DOCK4: variants seen among roughly 807,000 people sequenced by gnomAD.
DOCK4 encodes the protein dedicator of cytokinesis protein 4.
In DOCK4, 97 loss-of-function variants were observed where a neutral mutation model predicts 268.1. The observed-to-expected ratio is 0.36, with a 90% confidence interval of 0.31 to 0.43. The LOEUF (loss-of-function observed/expected upper bound fraction) is 0.43, where lower values mean the gene tolerates loss of function less well. DOCK4 is among the 20% of genes least tolerant of loss of function. The probability of loss-of-function intolerance (pLI) is 1.00; values close to 1 mark genes in which losing one functional copy is unlikely to be tolerated. For missense variants in DOCK4, 2,145 were observed against 2,455.7 expected (o/e 0.87, Z 2.67); for synonymous variants, 954 against 887.2 (o/e 1.08, Z -1.34).
At chr7:111,795,428 G>A (rs1799826995) in intron 30 of DOCK4, among the ~76,000 whole-genome samples, 1 of 152,192 alleles carries the variant, frequency 6.6e-6, no homozygotes, top group Non-Finnish European at 1.5e-5. Context: ...TTGAAAAGAA[G>A]AAATAGGCTT....
chr7:111,793,273 G>T (rs1267156181), intron 30 of DOCK4, among the ~76,000 whole-genome samples: 2 of 152,210 alleles, frequency 1.3e-5, no homozygotes, highest in African/African-American at 4.8e-5. Context: ...TGAGAGAAGA[G>T]AATTTAGAAA....
intron 1 of DOCK4, among the ~76,000 whole-genome samples, chr7:112,101,945 C>T (rs1042267096): frequency 5.3e-5 from 8 of 151,972 alleles, no homozygotes; most frequent in Non-Finnish European, 7.4e-5. Flanking sequence ...CGGGTTCACG[C>T]CATTCTCCCG....
chr7:112,034,655 T>C (rs1025403054), intron 1 of DOCK4, among the ~76,000 whole-genome samples: 1 of 152,124 alleles, frequency 6.6e-6, no homozygotes, highest in South Asian at 2.1e-4. Context: ...AATCCCACAC[T>C]TTGGAAGGCC....
In DOCK4 at chr7:111,969,133, C is replaced by T. The variant is rs1447686957; in HGVS notation, c.701+7999G>A. On this transcript the variant is annotated intron_variant, in intron 8 of 52. Coordinates refer to ENST00000428084, the MANE Select transcript of DOCK4 (RefSeq NM_001363540.2). ...CTAGATGACACATTAGTGGGTGCAGCGCACCAGCATGGCACATGTATACAT... is the reference window on the plus strand; with the variant it reads ...CTAGATGACACATTAGTGGGTGCAGTGCACCAGCATGGCACATGTATACAT... Among the ~76,000 whole-genome samples, 6 of 126,900 alleles carry T rather than the reference C, an allele frequency of 4.7e-5. No individual in the cohort carries two copies. In the East Asian group the frequency reaches 1.2e-3, roughly 25 times the overall value. 83.3% of individuals were successfully genotyped at this position (126,900 alleles called of 152,430 possible).
intron 39 of DOCK4, among the ~76,000 whole-genome samples, chr7:111,763,456 T>C (rs186801343): frequency 6.6e-5 from 10 of 152,336 alleles, no homozygotes; most frequent in African/African-American, 1.9e-4. Context: ...AAGAATGATA[T>C]AGAAGATTGA....
At chr7:111,885,120 G>A (rs188771162) in intron 16 of DOCK4, among the ~76,000 whole-genome samples, 1 of 152,308 alleles carries the variant, frequency 6.6e-6, no homozygotes, top group East Asian at 1.9e-4. Context: ...GTATGGTTTG[G>A]CACTGCCTGT....
chr7:112,013,046 C>T (rs969463891), intron 1 of DOCK4, among the ~76,000 whole-genome samples: 4 of 152,204 alleles, frequency 2.6e-5, no homozygotes, highest in Admixed American at 2.0e-4. Context: ...AGCCTCCACA[C>T]ACACCACTTT....
chr7:112,083,443 T>A (rs1425800938), intron 1 of DOCK4, among the ~76,000 whole-genome samples: 1 of 152,064 alleles, frequency 6.6e-6, no homozygotes, highest in Non-Finnish European at 1.5e-5. Context: ...ACATAATGAA[T>A]TAACCTCTGT....
chr7:111,940,020 T>G, intron 11 of DOCK4, 90 bp downstream of exon 11: 1 of 1,369,180 alleles, frequency 7.3e-7, no homozygotes, highest in African/African-American at 1.4e-5. Context: ...CCATTGTTCT[T>G]CTCTACCCAC....
chr7:112,033,817 TAA>T (rs1803495984), intron 1 of DOCK4, among the ~76,000 whole-genome samples: 1 of 152,154 alleles, frequency 6.6e-6, no homozygotes, highest in Non-Finnish European at 1.5e-5. Flanking sequence ...CTTGAAAAAA[TAA>T]GTCTTAAGAG....
chr7:112,203,248 T>C (rs1003828966), intron 1 of DOCK4, among the ~76,000 whole-genome samples: 2 of 152,200 alleles, frequency 1.3e-5, no homozygotes, highest in Non-Finnish European at 2.9e-5. Flanking sequence ...CTTAACATGA[T>C]TTCTAAAAGA....
At chr7:111,906,947 G>T (rs1205557588) in intron 13 of DOCK4, among the ~76,000 whole-genome samples, 1 of 152,184 alleles carries the variant, frequency 6.6e-6, no homozygotes, top group African/African-American at 2.4e-5. Flanking sequence ...CACGGTAAAT[G>T]TATGTTGTTT....
chr7:111,858,815 T>TTCCTTCCC (rs1805235792), intron 23 of DOCK4, among the ~76,000 whole-genome samples: 1 of 151,834 alleles, frequency 6.6e-6, no homozygotes, highest in Admixed American at 6.6e-5. Context: ...CCTCCCTTCC[T>TTCCTTCCC]TCCTTCCCTC....
chr7:112,150,314 A>G (rs1389809137), intron 1 of DOCK4, among the ~76,000 whole-genome samples: 1 of 152,180 alleles, frequency 6.6e-6, no homozygotes, highest in Non-Finnish European at 1.5e-5. Context: ...AAATTAGCCA[A>G]TGACTAGGTA....
intron 1 of DOCK4, among the ~76,000 whole-genome samples, chr7:112,113,734 A>ATTTTTTTTTTTTTTT (rs57672966): frequency 4.0e-5 from 2 of 49,548 alleles, no homozygotes; most frequent in African/African-American, 7.2e-5. Context: ...TACTTGGCTG[A>ATTTTTTTTTTTTTTT]TTTTTTTTTT....
At chr7:112,026,458 A>G (rs533503847) in intron 1 of DOCK4, among the ~76,000 whole-genome samples, 2 of 152,328 alleles carry the variant, frequency 1.3e-5, no homozygotes, top group South Asian at 2.1e-4. Context: ...CCCCGGTGCC[A>G]AAAATGTTGG....
At chr7:112,135,828 T>C (rs1410754924) in intron 1 of DOCK4, among the ~76,000 whole-genome samples, 1 of 151,718 alleles carries the variant, frequency 6.6e-6, no homozygotes, top group Non-Finnish European at 1.5e-5. Context: ...GATAAAAAAT[T>C]GAATTTTGTT....
chr7:111,896,143 A>G (rs1808730198), intron 15 of DOCK4, among the ~76,000 whole-genome samples: 1 of 152,148 alleles, frequency 6.6e-6, no homozygotes, highest in South Asian at 2.1e-4. Flanking sequence ...TTTGATTACT[A>G]CCCATCAAAA....
intron 16 of DOCK4, among the ~76,000 whole-genome samples, chr7:111,879,847 T>C (rs1342406216): frequency 6.6e-6 from 1 of 152,144 alleles, no homozygotes; most frequent in East Asian, 1.9e-4. Context: ...ATTGGGAAGC[T>C]TGAAGACAGG....
Sources: gnomAD v4.1 joint callset for allele counts (sites outside exome capture counted in the v4.1 genomes callset) on GRCh38, gnomAD v4.1.1 for gene constraint, MANE v1.5 for transcripts, NCBI Gene and HGNC (gene_info 2026-07-23, HGNC 2026-07-21) for gene names.